MGMT: variants seen among roughly 807,000 people sequenced by gnomAD.
MGMT encodes the protein methylated-DNA--protein-cysteine methyltransferase.
A neutral mutation model predicts 15.9 loss-of-function variants in MGMT; 14 were observed. That is an observed-to-expected ratio of 0.88 (90% CI 0.58 to 1.37). The LOEUF (loss-of-function observed/expected upper bound fraction) is 1.37, where lower values mean the gene tolerates loss of function less well. Ranked by LOEUF, MGMT falls within the 40% of genes most tolerant of loss-of-function variation. The pLI, the probability that MGMT is intolerant of heterozygous loss-of-function variation, is 0.00. For synonymous variants in MGMT, 130 were observed against 118.2 expected (o/e 1.10, Z -0.65); for missense variants, 282 against 268.1 (o/e 1.05, Z -0.36).
intron 2 of MGMT, among the ~76,000 whole-genome samples, chr10:129,611,912 C>G (rs1846965665): frequency 6.6e-6 from 1 of 152,178 alleles, no homozygotes; most frequent in Non-Finnish European, 1.5e-5. Context: ...CTGTAAAATA[C>G]TTATAGGGAT....
At chr10:129,565,207 C>T (rs902784508) in intron 2 of MGMT, among the ~76,000 whole-genome samples, 5 of 152,078 alleles carry the variant, frequency 3.3e-5, no homozygotes, top group Admixed American at 3.3e-4. Context: ...GACTGAGGAC[C>T]GTGTCCCAGT....
chr10:129,625,874 C>A (rs1218445101), intron 2 of MGMT, among the ~76,000 whole-genome samples: 2 of 152,196 alleles, frequency 1.3e-5, no homozygotes, highest in Non-Finnish European at 2.9e-5. Context: ...CCAGCTAAAT[C>A]TTTCCCATTT....
chr10:129,569,237 C>T (rs201544093), intron 2 of MGMT, among the ~76,000 whole-genome samples: 2 of 151,938 alleles, frequency 1.3e-5, no homozygotes, highest in African/African-American at 2.4e-5. Context: ...ACACCTGGCC[C>T]GGCTCCGGCG....
chr10:129,581,937 T>C (rs973686943), intron 2 of MGMT, among the ~76,000 whole-genome samples: 14 of 152,240 alleles, frequency 9.2e-5, no homozygotes, highest in Non-Finnish European at 1.9e-4. Flanking sequence ...TCTGTTGACT[T>C]TCTGCTGCCT....
chr10:129,519,055 C>G (rs1360770002), intron 1 of MGMT, among the ~76,000 whole-genome samples: 1 of 152,074 alleles, frequency 6.6e-6, no homozygotes, highest in Admixed American at 6.6e-5. Flanking sequence ...CAAAGAACCT[C>G]GACTATGATG....
chr10:129,552,765 A>ATT (rs1846172271), intron 2 of MGMT, among the ~76,000 whole-genome samples: 1 of 152,190 alleles, frequency 6.6e-6, no homozygotes, highest in Non-Finnish European at 1.5e-5. Context: ...GTCCGTGAGG[A>ATT]CTGGGCACAG....
At chr10:129,665,036 A>T (rs1847641131) in intron 2 of MGMT, among the ~76,000 whole-genome samples, 3 of 152,176 alleles carry the variant, frequency 2.0e-5, no homozygotes, top group Non-Finnish European at 4.4e-5. Context: ...GGTTTAAAAA[A>T]TAGAGTTGAA....
At chr10:129,535,065 G>A (rs1845970839) in intron 1 of MGMT, among the ~76,000 whole-genome samples, 1 of 152,174 alleles carries the variant, frequency 6.6e-6, no homozygotes, top group Non-Finnish European at 1.5e-5. Flanking sequence ...TGCCCCACAG[G>A]CTCTAATTTG....
At chr10:129,591,933 A>AAAAT (rs1040045350) in intron 2 of MGMT, among the ~76,000 whole-genome samples, 25 of 152,234 alleles carry the variant, frequency 1.6e-4, no homozygotes, top group African/African-American at 2.9e-4. Context: ...TCCGTCTCAA[A>AAAAT]AAATAAATAA....
At chr10:129,708,071 T>G (rs769540455) in intron 3 of MGMT, 28 bp downstream of exon 3, 11 of 1,592,192 alleles carry the variant, frequency 6.9e-6, no homozygotes, top group Non-Finnish European at 9.4e-6. Context: ...CTGCGGTGTT[T>G]CCTTTGGGGA....
intron 2 of MGMT, among the ~76,000 whole-genome samples, chr10:129,592,812 TG>T (rs1846704119): frequency 6.6e-6 from 1 of 151,900 alleles, no homozygotes; most frequent in African/African-American, 2.4e-5. Context: ...TTTTTTTTTT[TG>T]GAAAAATGGT....
Position 129,467,244 on chromosome 10 carries a change from G to A in MGMT, c.-65G>A, listed in dbSNP as rs1402408476. 2.0e-6 allele frequency: 3 copies of A among 1,470,062 alleles called. No homozygotes were observed. Among genetic ancestry groups the A allele is most frequent in the Non-Finnish European group, 2.7e-6 (3 of 1,101,310 alleles). 91.1% of individuals were successfully genotyped at this position (1,470,062 alleles called of 1,614,324 possible). A position where few individuals can be genotyped will look rare whatever the true frequency, so the allele number is the denominator to read the frequency against. ...CTGGGACAGCCCGCGCCCCTAGAAC[G>A]CTTTGCGTCCCGACGCCCGCAGGTC... On this transcript the variant is annotated 5_prime_UTR_variant, in exon 1 of 5. Coordinates refer to ENST00000651593, the MANE Select transcript of MGMT (RefSeq NM_002412.5).
chr10:129,721,947 T>A (rs555774916), intron 3 of MGMT, among the ~76,000 whole-genome samples: 1 of 152,154 alleles, frequency 6.6e-6, no homozygotes, highest in African/African-American at 2.4e-5. Context: ...ATGTAAATGT[T>A]TTAAGATTCA....
At chr10:129,755,162 A>C (rs1315854167) in intron 3 of MGMT, among the ~76,000 whole-genome samples, 1 of 152,244 alleles carries the variant, frequency 6.6e-6, no homozygotes, top group Non-Finnish European at 1.5e-5. Context: ...ATTCAGTAGA[A>C]GAAACAAGTA....
intron 1 of MGMT, among the ~76,000 whole-genome samples, chr10:129,527,746 T>C (rs1233232131): frequency 6.8e-6 from 1 of 146,494 alleles, no homozygotes; most frequent in East Asian, 2.0e-4. Context: ...GGAATCCGTG[T>C]TCTCCCTCGT....
intron 3 of MGMT, among the ~76,000 whole-genome samples, chr10:129,737,122 G>T (rs1848572627): frequency 6.6e-6 from 1 of 152,136 alleles, no homozygotes; most frequent in Non-Finnish European, 1.5e-5. Flanking sequence ...CTAGATTGGG[G>T]AAGTTCTCCT....
At chr10:129,492,310 G>A (rs1356694249) in intron 1 of MGMT, among the ~76,000 whole-genome samples, 1 of 152,170 alleles carries the variant, frequency 6.6e-6, no homozygotes, top group East Asian at 1.9e-4. Context: ...AAGGTTTTGA[G>A]CTGAGCTCTT....
chr10:129,749,611 A>C (rs1323109674), intron 3 of MGMT, among the ~76,000 whole-genome samples: 1 of 152,186 alleles, frequency 6.6e-6, no homozygotes, highest in Non-Finnish European at 1.5e-5. Context: ...TGAGGATGTC[A>C]GTTTTCAAAT....
chr10:129,598,326 T>A (rs1281930141), intron 2 of MGMT, among the ~76,000 whole-genome samples: 1 of 152,192 alleles, frequency 6.6e-6, no homozygotes, highest in Non-Finnish European at 1.5e-5. Flanking sequence ...GGCAAGTCTC[T>A]TGTTCTTTCT....
Sources: gnomAD v4.1 joint callset for allele counts (sites outside exome capture counted in the v4.1 genomes callset) on GRCh38, gnomAD v4.1.1 for gene constraint, MANE v1.5 for transcripts, NCBI Gene and HGNC (gene_info 2026-07-23, HGNC 2026-07-21) for gene names.